Variants in TPTE2 observed in about 807,000 individuals in gnomAD.
TPTE2 encodes the protein phosphatidylinositol 3,4,5-trisphosphate 3-phosphatase TPTE2.
A neutral mutation model predicts 78.6 loss-of-function variants in TPTE2; 53 were observed. The ratio of observed to expected loss-of-function variants is 0.67; its 90% confidence interval spans 0.54 to 0.85. The LOEUF is 0.85. TPTE2 is among the 40% of genes least tolerant of loss of function. The pLI, the probability that TPTE2 is intolerant of heterozygous loss-of-function variation, is 0.00. For missense variants in TPTE2, 461 were observed against 623.0 expected (o/e 0.74, Z 2.77); for synonymous variants, 175 against 206.2 (o/e 0.85, Z 1.30).
At chr13:19,519,510 G>T (rs1156951595) in intron 1 of TPTE2, among the ~76,000 whole-genome samples, 2 of 152,260 alleles carry the variant, frequency 1.3e-5, no homozygotes, top group East Asian at 3.9e-4. Context: ...AGATCCAGTT[G>T]CTCCAGCACC....
At chr13:19,477,123 A>C (rs1187553972) in intron 4 of TPTE2, among the ~76,000 whole-genome samples, 2 of 152,170 alleles carry the variant, frequency 1.3e-5, no homozygotes, top group East Asian at 3.9e-4. Flanking sequence ...CAGAAAACCA[A>C]ATACTGAATG....
chr13:19,534,984 A>C (rs1024578553), intron 1 of TPTE2, among the ~76,000 whole-genome samples: 1 of 152,086 alleles, frequency 6.6e-6, no homozygotes, highest in African/African-American at 2.4e-5. Flanking sequence ...GGGTGTTATC[A>C]CTTGAGGTCA....
At chr13:19,426,448 C>T (rs1876079895) in exon 18 of TPTE2, 1 of 1,606,310 alleles carries the variant, frequency 6.2e-7, no homozygotes, top group East Asian at 2.2e-5. Flanking sequence ...TGCACTTTCA[C>T]ATCATCATAC....
exon 12 of TPTE2, chr13:19,450,331 A>G (rs1245191439): frequency 4.3e-6 from 7 of 1,610,540 alleles, no homozygotes; most frequent in Non-Finnish European, 5.1e-6. Context: ...GCTTAGGATC[A>G]TAAGCTCTTT....
chr13:19,513,780 C>A (rs114693348), intron 1 of TPTE2, among the ~76,000 whole-genome samples: 3,854 of 152,206 alleles, frequency 0.025, 130 homozygotes, highest in African/African-American at 0.074. Context: ...TATTACTGAA[C>A]CAGATCATGT....
At chr13:19,434,752 C>T (rs1236298537) in intron 15 of TPTE2, among the ~76,000 whole-genome samples, 2 of 152,094 alleles carry the variant, frequency 1.3e-5, no homozygotes, top group Non-Finnish European at 2.9e-5. Context: ...AAGAAAAACT[C>T]ATTTACAGCC....
chr13:19,507,150 G>A (rs1470747180), upstream of TPTE2, among the ~76,000 whole-genome samples: 1 of 151,986 alleles, frequency 6.6e-6, no homozygotes, highest in Non-Finnish European at 1.5e-5. Flanking sequence ...CACTATCACT[G>A]AGGACTCCAT....
chr13:19,473,651 A>G (rs1480090411), intron 6 of TPTE2, among the ~76,000 whole-genome samples: 1 of 142,408 alleles, frequency 7.0e-6, no homozygotes, highest in Non-Finnish European at 1.5e-5. Flanking sequence ...GCTAGAGTGC[A>G]ATGGCGTGAT....
intron 1 of TPTE2, among the ~76,000 whole-genome samples, chr13:19,512,583 A>ATT (rs71092372): frequency 0.016 from 2,370 of 148,064 alleles, 21 homozygotes; most frequent in South Asian, 0.036. Context: ...CACAGGAAAC[A>ATT]TTTTTTTTTT....
intron 1 of TPTE2, among the ~76,000 whole-genome samples, chr13:19,518,897 T>G (rs1244631426): frequency 6.6e-6 from 1 of 152,196 alleles, no homozygotes; most frequent in South Asian, 2.1e-4. Context: ...ACAGTTTACC[T>G]GAGAGCAGAA....
chr13:19,443,883 T>G (rs1877657480), intron 13 of TPTE2, among the ~76,000 whole-genome samples: 1 of 152,188 alleles, frequency 6.6e-6, no homozygotes, highest in African/African-American at 2.4e-5. Context: ...GTACTGAATG[T>G]TCTAGCCAGT....
chr13:19,475,398 G>GT (rs1879874693), intron 5 of TPTE2, among the ~76,000 whole-genome samples, 175 bp downstream of exon 8: 1 of 151,936 alleles, frequency 6.6e-6, no homozygotes, highest in South Asian at 2.1e-4. Flanking sequence ...GCTAATTTTT[G>GT]TATTTTTAGT....
At chr13:19,503,041 G>C (rs991911254) in intron 1 of TPTE2, among the ~76,000 whole-genome samples, 183 bp downstream of exon 4, 2 of 152,146 alleles carry the variant, frequency 1.3e-5, no homozygotes, top group East Asian at 3.8e-4. Flanking sequence ...ACAAATGTCC[G>C]TCCATCTGTC....
At chr13:19,435,508 T>C (rs1264678917) in intron 15 of TPTE2, among the ~76,000 whole-genome samples, 1 of 152,092 alleles carries the variant, frequency 6.6e-6, no homozygotes, top group Non-Finnish European at 1.5e-5. Context: ...GTTGCAGCAA[T>C]GTGATGACTA....
intron 1 of TPTE2, among the ~76,000 whole-genome samples, chr13:19,522,619 C>CTTTTTTTTTTTTTTTTTTTT (rs57248346): frequency 8.2e-6 from 1 of 121,648 alleles, no homozygotes; most frequent in Non-Finnish European, 1.6e-5. Context: ...CTTTTTTTTT[C>CTTTTTTTTTTTTTTTTTTTT]TTTTTTTTTT....
In TPTE2 at chr13:19,444,670, C is replaced by T. The variant is rs181295833; in HGVS notation, c.973+5406G>A. ...AATGCAATTCCAAACAAATTTCTAT[C>T]CAGTGTGTGTAATTTGACTAGTTGA... On this transcript the variant is annotated intron_variant, in intron 13 of 19. Coordinates refer to ENST00000400230, the Ensembl canonical transcript of TPTE2. Among the ~76,000 whole-genome samples, 1,358 of 152,230 alleles carry T rather than the reference C, an allele frequency of 8.9e-3. 26 individuals are homozygous for T. Among genetic ancestry groups the T allele is most frequent in the African/African-American group, 0.031 (1,303 of 41,546 alleles).
Position 19,525,612 on chromosome 13 carries a change from A to G in TPTE2, c.-44+10984T>C, listed in dbSNP as rs143628188. Among the ~76,000 whole-genome samples the G allele has an allele frequency of 2.5e-3, 377 of 152,336 alleles. 1 individual carries two copies. The highest frequency in any genetic ancestry group is 8.7e-3 in the African/African-American group (362 of 41,576). ...AAAATCCCTGGAAGATAAGCTAGGA[A>G]ATACCATTCTGACATAGGACCTTAT... On this transcript the variant is annotated intron_variant, in intron 1 of 17. Transcript: ENST00000390680.
chr13:19,558,368 T>C, the TPTE2 span, among the ~76,000 whole-genome samples: 4 of 152,216 alleles, frequency 2.6e-5, no homozygotes, highest in Non-Finnish European at 4.4e-5. Flanking sequence ...CCTGACCCTA[T>C]AAAGGCATGA....
At chr13:19,551,344 C>T in the TPTE2 span, among the ~76,000 whole-genome samples, 1 of 152,262 alleles carries the variant, frequency 6.6e-6, no homozygotes, top group East Asian at 1.9e-4. Flanking sequence ...AATCCCAGCA[C>T]TTTGGGAGGC....
Sources: gnomAD v4.1 joint callset for allele counts (sites outside exome capture counted in the v4.1 genomes callset) on GRCh38, gnomAD v4.1.1 for gene constraint, MANE v1.5 for transcripts, NCBI Gene and HGNC (gene_info 2026-07-23, HGNC 2026-07-21) for gene names.